Variants in CDKAL1 observed in about 807,000 individuals in gnomAD.
CDKAL1 encodes the protein threonylcarbamoyladenosine tRNA methylthiotransferase.
CDKAL1 carries 32 observed loss-of-function variants against 68.2 expected under a neutral mutation model. The observed-to-expected ratio is 0.47, with a 90% CI of 0.35 to 0.63. CDKAL1 has a LOEUF of 0.63. CDKAL1 is among the 30% of genes least tolerant of loss of function. The pLI is 0.00. For missense variants in CDKAL1, 606 were observed against 696.7 expected (o/e 0.87, Z 1.47); for synonymous variants, 234 against 244.3 (o/e 0.96, Z 0.39).
intron 2 of CDKAL1, among the ~76,000 whole-genome samples, chr6:20,543,740 T>G (rs1210241826): frequency 6.9e-6 from 1 of 145,010 alleles, no homozygotes; most frequent in Non-Finnish European, 1.5e-5. Flanking sequence ...ACATTTTTTT[T>G]TTTTTTTTTT....
chr6:21,116,278 C>T (rs1774406046), intron 13 of CDKAL1, among the ~76,000 whole-genome samples: 1 of 152,012 alleles, frequency 6.6e-6, no homozygotes, highest in Admixed American at 6.6e-5. Flanking sequence ...TCCAGAGACC[C>T]ATAGATGCCA....
chr6:20,920,232 G>C (rs1762890428), intron 9 of CDKAL1, among the ~76,000 whole-genome samples: 2 of 152,198 alleles, frequency 1.3e-5, no homozygotes, highest in Non-Finnish European at 2.9e-5. Context: ...TGAGGGCAAA[G>C]GACAGGGTCT....
At chr6:20,934,900 A>ATTTTTTT (rs35030815) in intron 9 of CDKAL1, among the ~76,000 whole-genome samples, 1 of 136,650 alleles carries the variant, frequency 7.3e-6, no homozygotes, top group Admixed American at 7.4e-5. Context: ...CGCCTTATAC[A>ATTTTTTT]TTTTTTTTTT....
At chr6:21,088,540 A>G (rs1045771861) in intron 12 of CDKAL1, among the ~76,000 whole-genome samples, 1 of 152,214 alleles carries the variant, frequency 6.6e-6, no homozygotes, top group African/African-American at 2.4e-5. Flanking sequence ...CTAGTTCAAA[A>G]GTTAGGAAAT....
At chr6:20,985,850 T>A (rs1766424779) in intron 10 of CDKAL1, among the ~76,000 whole-genome samples, 1 of 152,194 alleles carries the variant, frequency 6.6e-6, no homozygotes, top group Non-Finnish European at 1.5e-5. Context: ...ACAATGCATT[T>A]AAGAGGTGGG....
intron 11 of CDKAL1, among the ~76,000 whole-genome samples, chr6:21,019,034 C>T (rs1194171446): frequency 2.6e-5 from 4 of 152,180 alleles, no homozygotes; most frequent in Non-Finnish European, 5.9e-5. Context: ...CTGCAACCTC[C>T]ACCTGCCACG....
At chr6:20,980,296 G>A (rs1766067375) in intron 10 of CDKAL1, among the ~76,000 whole-genome samples, 1 of 152,024 alleles carries the variant, frequency 6.6e-6, no homozygotes, top group Admixed American at 6.5e-5. Context: ...GGAGTGCAGT[G>A]GCGCGATCTC....
At chr6:20,732,688 T>A (rs1234694512) in intron 5 of CDKAL1, among the ~76,000 whole-genome samples, 2 of 152,160 alleles carry the variant, frequency 1.3e-5, no homozygotes, top group Non-Finnish European at 2.9e-5. Flanking sequence ...GCGTGTTTTA[T>A]TTTTACTGTA....
chr6:20,831,135 T>C (rs942809368), intron 8 of CDKAL1, among the ~76,000 whole-genome samples: 1 of 152,142 alleles, frequency 6.6e-6, no homozygotes, highest in African/African-American at 2.4e-5. Context: ...ACACCTTTAT[T>C]AATCAAAATA....
chr6:20,659,148 TTTAA>T (rs142406179), intron 5 of CDKAL1, among the ~76,000 whole-genome samples: 1,722 of 152,284 alleles, frequency 0.011, 27 homozygotes, highest in African/African-American at 0.037. Context: ...AAAATTAATT[TTTAA>T]TTAAAAAAAT....
At chr6:21,064,299 G>GA (rs1459834926) in intron 11 of CDKAL1, among the ~76,000 whole-genome samples, 1 of 151,716 alleles carries the variant, frequency 6.6e-6, no homozygotes. Flanking sequence ...TAGGATCCGG[G>GA]AAAAAAAGAT....
intron 11 of CDKAL1, among the ~76,000 whole-genome samples, chr6:21,052,294 C>T (rs1770582090): frequency 6.6e-6 from 1 of 152,058 alleles, no homozygotes; most frequent in Non-Finnish European, 1.5e-5. Flanking sequence ...TGATTTCATG[C>T]TCTGAACGTA....
At chr6:21,079,838 T>G (rs1340973028) in intron 12 of CDKAL1, among the ~76,000 whole-genome samples, 1 of 152,182 alleles carries the variant, frequency 6.6e-6, no homozygotes, top group Non-Finnish European at 1.5e-5. Context: ...CCCTATCTTT[T>G]CCCCTACTTG....
intron 10 of CDKAL1, among the ~76,000 whole-genome samples, chr6:20,976,328 G>T (rs1426084504): frequency 1.3e-5 from 2 of 152,118 alleles, no homozygotes; most frequent in East Asian, 1.9e-4. Flanking sequence ...TAAGTGAAGT[G>T]ATGTTTACAA....
At position 21,129,682 on chromosome 6, in the gene CDKAL1, CAAAAAAAAAAA is replaced by C. The variant is rs34802727; in HGVS notation, c.1299+21232_1299+21242del. On this transcript the variant is annotated intron_variant, in intron 13 of 15. Coordinates refer to ENST00000274695, the MANE Select transcript of CDKAL1 (RefSeq NM_017774.3). Reference sequence around the variant, plus strand: ...ACTATACATTCTGACTGCAGTTTACCAAAAAAAAAAAAAAAAAAAAAAAGGAAAAAATGGAG... The same window carrying C: ...ACTATACATTCTGACTGCAGTTTACCAAAAAAAAAAAAGGAAAAAATGGAG... 8.7e-3 allele frequency among the ~76,000 whole-genome samples: 600 copies of C among 69,018 alleles called. 5 individuals carry two copies. The highest frequency in any genetic ancestry group is 0.022 in the Admixed American group (110 of 4,954). 45.3% of individuals were successfully genotyped at this position (69,018 alleles called of 152,430 possible).
At chr6:20,987,872 T>G (rs936784309) in intron 10 of CDKAL1, among the ~76,000 whole-genome samples, 23 of 151,776 alleles carry the variant, frequency 1.5e-4, no homozygotes, top group African/African-American at 5.3e-4. Flanking sequence ...CTTGACTTCC[T>G]GGGCTCATGT....
chr6:20,695,619 C>T (rs1771074654), intron 5 of CDKAL1, among the ~76,000 whole-genome samples: 1 of 152,090 alleles, frequency 6.6e-6, no homozygotes, highest in Non-Finnish European at 1.5e-5. Context: ...GGATCTGTTC[C>T]TGCTACTTCC....
chr6:20,953,968 A>G (rs982436929), intron 9 of CDKAL1, among the ~76,000 whole-genome samples: 8 of 152,034 alleles, frequency 5.3e-5, no homozygotes, highest in African/African-American at 1.9e-4. Flanking sequence ...TTCTGTTCTC[A>G]ATGCTAAGTT....
At chr6:20,893,322 A>C (rs1761509102) in intron 9 of CDKAL1, among the ~76,000 whole-genome samples, 1 of 152,124 alleles carries the variant, frequency 6.6e-6, no homozygotes, top group African/African-American at 2.4e-5. Context: ...GCTTGCCTCA[A>C]AGCAAAAGAA....
Sources: allele counts gnomAD v4.1 joint callset (sites outside exome capture counted in the v4.1 genomes callset), GRCh38; gene constraint gnomAD v4.1.1; transcripts MANE v1.5; gene names NCBI Gene and HGNC (gene_info 2026-07-23, HGNC 2026-07-21).